The following IQCJ variants were observed in gnomAD, a reference collection of about 807,000 sequenced individuals.
IQCJ encodes the protein IQ motif containing J.
In IQCJ, 9 loss-of-function variants were observed where a neutral mutation model predicts 11.0. That is an observed-to-expected ratio of 0.82 (90% CI 0.49 to 1.43). The LOEUF (loss-of-function observed/expected upper bound fraction) is 1.43, where lower values mean the gene tolerates loss of function less well. Ranked by LOEUF, IQCJ falls within the 40% of genes most tolerant of loss-of-function variation. IQCJ has a pLI of 0.00. For missense variants in IQCJ, 146 were observed against 133.2 expected (o/e 1.10, Z -0.47); for synonymous variants, 55 against 51.3 (o/e 1.07, Z -0.31).
At chr3:159,224,082 A>AG (rs1725701884) in intron 1 of IQCJ, among the ~76,000 whole-genome samples, 1 of 151,822 alleles carries the variant, frequency 6.6e-6, no homozygotes, top group Non-Finnish European at 1.5e-5. Context: ...AAAAAAAAAA[A>AG]CAAGACTTAA....
intron 1 of IQCJ, among the ~76,000 whole-genome samples, chr3:159,154,016 A>G (rs1448657886): frequency 6.6e-6 from 1 of 152,198 alleles, no homozygotes; most frequent in Admixed American, 6.5e-5. Flanking sequence ...TCCTTTTCTT[A>G]ATGAATTAGC....
intron 1 of IQCJ, among the ~76,000 whole-genome samples, chr3:159,101,918 C>G (rs1717953705): frequency 6.6e-6 from 1 of 152,204 alleles, no homozygotes; most frequent in Non-Finnish European, 1.5e-5. Flanking sequence ...TATACAATTT[C>G]ATGTATCTGC....
At chr3:159,265,844 C>G (rs116129772), downstream of IQCJ, 1,474 of 156,834 alleles carry the variant, frequency 9.4e-3, 16 homozygotes, top group African/African-American at 0.034. Context: ...TCTCAACTAT[C>G]TACCCCAGGC....
At position 159,197,700 on chromosome 3, in the gene IQCJ, T is replaced by C. The variant is rs369890468; in HGVS notation, c.10-48143T>C. 2.0e-4 allele frequency among the ~76,000 whole-genome samples: 31 copies of C among 151,868 alleles called. 3 individuals are homozygous for C. The highest frequency in any genetic ancestry group is 2.0e-3 in the Admixed American group (30 of 15,250). The stretch of plus-strand genomic sequence containing the variant: ...GCTTACAGGGCCAAGTAGGAGAGTA[T>C]GGGGATTAAGAGAGATGGGGGAACT... On this transcript the variant is annotated intron_variant, in intron 1 of 3. Transcript: ENST00000397832.
At chr3:159,142,539 C>G (rs989885628) in intron 1 of IQCJ, among the ~76,000 whole-genome samples, 8 of 152,108 alleles carry the variant, frequency 5.3e-5, no homozygotes, top group Non-Finnish European at 1.2e-4. Context: ...GCCTCAGCTT[C>G]TCGAGTTGCT....
At chr3:159,244,099 C>T (rs1727097754) in intron 1 of IQCJ, among the ~76,000 whole-genome samples, 2 of 152,134 alleles carry the variant, frequency 1.3e-5, no homozygotes, top group Admixed American at 6.5e-5. Context: ...GCAGAGAAAT[C>T]AACATTTTGG....
intron 1 of IQCJ, among the ~76,000 whole-genome samples, chr3:159,116,276 G>A (rs1347980482): frequency 6.6e-6 from 1 of 151,698 alleles, no homozygotes; most frequent in Non-Finnish European, 1.5e-5. Flanking sequence ...ACAAGAGGAA[G>A]AATAAGAGGA....
chr3:159,135,908 G>T (rs781684894), intron 1 of IQCJ, among the ~76,000 whole-genome samples: 4 of 152,140 alleles, frequency 2.6e-5, no homozygotes, highest in Admixed American at 2.0e-4. Flanking sequence ...AAACAAGTAC[G>T]CAGAACTTAA....
At chr3:159,095,466 AGTGT>A (rs1485355614) in intron 1 of IQCJ, among the ~76,000 whole-genome samples, 60 of 138,720 alleles carry the variant, frequency 4.3e-4, no homozygotes, top group African/African-American at 1.5e-3. Flanking sequence ...TGCACCCACT[AGTGT>A]GTCATCTAGC....
intron 1 of IQCJ, among the ~76,000 whole-genome samples, chr3:159,242,984 A>G (rs1727027049): frequency 6.6e-6 from 1 of 152,210 alleles, no homozygotes. Context: ...TCAGTTAAAA[A>G]CAAATGCAAA....
intron 1 of IQCJ, among the ~76,000 whole-genome samples, chr3:159,218,236 G>C (rs1725342364): frequency 6.6e-6 from 1 of 151,924 alleles, no homozygotes; most frequent in African/African-American, 2.4e-5. Context: ...CTAGCAAGGG[G>C]AATTGCTGGG....
intron 2 of IQCJ, among the ~76,000 whole-genome samples, chr3:159,246,534 G>C (rs964214788): frequency 6.6e-6 from 1 of 152,118 alleles, no homozygotes; most frequent in Non-Finnish European, 1.5e-5. Flanking sequence ...AAATAAACCC[G>C]GGTTTGGTTG....
chr3:159,127,320 A>G (rs944842095), intron 1 of IQCJ, among the ~76,000 whole-genome samples: 1 of 152,136 alleles, frequency 6.6e-6, no homozygotes, highest in Middle Eastern at 3.2e-3. Flanking sequence ...AGGCTTTGGG[A>G]TTCTGGCTCC....
chr3:159,149,538 T>TG (rs1370555171), intron 1 of IQCJ, among the ~76,000 whole-genome samples: 1 of 152,132 alleles, frequency 6.6e-6, no homozygotes, highest in African/African-American at 2.4e-5. Context: ...AGAGGCTGTT[T>TG]GGGGGCTACT....
chr3:159,123,512 G>T (rs1719498664), intron 1 of IQCJ, among the ~76,000 whole-genome samples: 1 of 151,934 alleles, frequency 6.6e-6, no homozygotes, highest in African/African-American at 2.4e-5. Context: ...ATGGTGGGTG[G>T]TTTGGAGCTT....
At chr3:159,225,459 G>A (rs1032445837) in intron 1 of IQCJ, among the ~76,000 whole-genome samples, 16 of 152,192 alleles carry the variant, frequency 1.1e-4, no homozygotes, top group Admixed American at 4.6e-4. Context: ...CATCTTGATC[G>A]TAGTAGTTGT....
chr3:159,171,536 T>G (rs1284180316), intron 1 of IQCJ, among the ~76,000 whole-genome samples: 2 of 152,180 alleles, frequency 1.3e-5, no homozygotes, highest in Non-Finnish European at 2.9e-5. Flanking sequence ...TCAAGAATCA[T>G]GCGTCAATCA....
intron 1 of IQCJ, among the ~76,000 whole-genome samples, chr3:159,216,831 G>A (rs1439364079): frequency 6.6e-6 from 1 of 151,982 alleles, no homozygotes; most frequent in African/African-American, 2.4e-5. Flanking sequence ...CAAATAAAGT[G>A]ACTTAAAACA....
At position 159,144,340 on chromosome 3, in the gene IQCJ, C is replaced by G. The variant is rs547154658; in HGVS notation, c.9+74899C>G. Among the ~76,000 whole-genome samples, 8 of 152,300 alleles carry G rather than the reference C, an allele frequency of 5.3e-5. No homozygotes were observed. In the South Asian group the frequency reaches 8.3e-4, roughly 16 times the overall value. On this transcript the variant is annotated intron_variant, in intron 1 of 3. Coordinates refer to ENST00000397832, the MANE Select transcript of IQCJ (RefSeq NM_001042706.3). The stretch of plus-strand genomic sequence containing the variant: ...AAGTCTTCAGTTGTGTGCAGGAACA[C>G]TAGACTTGAAGGTTGTGTGTGTTCA...
Sources: gnomAD v4.1 joint callset for allele counts (sites outside exome capture counted in the v4.1 genomes callset) on GRCh38, gnomAD v4.1.1 for gene constraint, MANE v1.5 for transcripts, NCBI Gene and HGNC (gene_info 2026-07-23, HGNC 2026-07-21) for gene names.